The following CPT1A variants were observed in gnomAD, a reference collection of about 807,000 sequenced individuals.
CPT1A encodes the protein carnitine palmitoyltransferase 1A.
In CPT1A, 64 loss-of-function variants were observed where a neutral mutation model predicts 100.8. The observed-to-expected ratio is 0.63, with a 90% CI of 0.52 to 0.78. CPT1A has a LOEUF of 0.78. Among genes scored for constraint, CPT1A ranks in the 30% least tolerant of loss-of-function variants. CPT1A has a pLI of 0.00. For synonymous variants in CPT1A, 363 were observed against 396.0 expected, an observed-to-expected ratio of 0.92 and a Z score of 0.99; for missense variants, 802 against 1,034.1, an observed-to-expected ratio of 0.78 and a Z score of 3.08.
At position 68,815,281 on chromosome 11, in the gene CPT1A, G is replaced by A. The variant is rs17848445; in HGVS notation, c.141+53C>T. ...AGACCTCAATAGCAGCCAGAGCCCC[G>A]TTCTTAGATATTAAAAGGCATACTG... On this transcript the variant is annotated intron_variant, in intron 2 of 18. Transcript: ENST00000265641. 62 of 1,583,944 alleles carry A rather than the reference G, an allele frequency of 3.9e-5. No individual in the cohort carries two copies. In the East Asian group the frequency reaches 1.1e-3, roughly 28 times the overall value.
Position 68,759,582 on chromosome 11 carries a change from G to A in CPT1A, c.2222C>T (p.Ser741Phe). The stretch of plus-strand genomic sequence containing the variant: ...TTTCATACATACCGTCTCAGGGCAA[G>A]AGAACTTGGAAGAAATGTGGAAATT... ...LINFHISSKF[S>F]CPETDSHRFG... Residue 741 changes from serine (S) to phenylalanine (F), a missense_variant, in exon 18 of 19, where the codon TCT becomes TTT. Physicochemically the swap from Ser to Phe is radical, Grantham distance 155. Coordinates refer to ENST00000265641, the MANE Select transcript of CPT1A (RefSeq NM_001876.4). The A allele has an allele frequency of 1.2e-6, 2 of 1,611,810 alleles. No homozygotes were observed. Among genetic ancestry groups the A allele is most frequent in the East Asian group, 2.2e-5 (1 of 44,860 alleles).
intron 6 of CPT1A, among the ~76,000 whole-genome samples, chr11:68,798,793 G>A (rs796264841): frequency 9.2e-5 from 14 of 152,298 alleles, no homozygotes; most frequent in African/African-American, 3.1e-4. Flanking sequence ...AGGACTCTCC[G>A]GGGAAGAGGG....
rs1210649322 is a variant in CPT1A, at chr11:68,788,373, C to T, written c.968-3363G>A. Among the ~76,000 whole-genome samples, 6 of 151,822 alleles carry T rather than the reference C, an allele frequency of 4.0e-5. No individual in the cohort carries two copies. In the South Asian group the frequency reaches 8.3e-4, roughly 21 times the overall value. Reference sequence around the variant, plus strand: ...CAGCACTTTGGGAGGCCGAGGCGGGCGGATCACTTGAGGCCAAGAGTTTGA... The same window carrying T: ...CAGCACTTTGGGAGGCCGAGGCGGGTGGATCACTTGAGGCCAAGAGTTTGA... On this transcript the variant is annotated intron_variant, in intron 9 of 18. Transcript: ENST00000265641.
At chr11:68,793,611 T>C (rs531636758) in intron 8 of CPT1A, among the ~76,000 whole-genome samples, 1 of 151,712 alleles carries the variant, frequency 6.6e-6, no homozygotes, top group African/African-American at 2.4e-5. Context: ...CCGGGCATGG[T>C]GTCGGGTGCC....
intron 1 of CPT1A, among the ~76,000 whole-genome samples, chr11:68,822,267 C>A (rs778993817): frequency 2.6e-5 from 4 of 152,032 alleles, no homozygotes; most frequent in African/African-American, 4.8e-5. Flanking sequence ...TGCAGTGGCT[C>A]ACCCCTGTAA....
chr11:68,811,463 C>T (rs1856204322), intron 3 of CPT1A, among the ~76,000 whole-genome samples: 1 of 152,112 alleles, frequency 6.6e-6, no homozygotes, highest in Non-Finnish European at 1.5e-5. Flanking sequence ...GCTGAGTTGC[C>T]CTGCGTTCCA....
chr11:68,762,599 T>C, intron 15 of CPT1A, 28 bp downstream of exon 15: 7 of 1,612,420 alleles, frequency 4.3e-6, no homozygotes, highest in Non-Finnish European at 5.9e-6. Context: ...GACAAGCACG[T>C]TGTGTCCTCA....
Position 68,841,855 on chromosome 11 carries a change from G to A in CPT1A, c.-94C>T. The A allele has an allele frequency of 2.0e-6, 2 of 994,234 alleles. No individual in the cohort carries two copies. Among genetic ancestry groups the A allele is most frequent in the Non-Finnish European group, 2.4e-6 (2 of 837,810 alleles). 61.6% of individuals were successfully genotyped at this position (994,234 alleles called of 1,614,324 possible). ...CGGTGGAGTGAACGAGCGGCGAGCGGGAGCCGGGGAAGGAGGGCCGCGGGC... is the reference window on the plus strand; with the variant it reads ...CGGTGGAGTGAACGAGCGGCGAGCGAGAGCCGGGGAAGGAGGGCCGCGGGC... On this transcript the variant is annotated 5_prime_UTR_variant, in exon 1 of 19. Coordinates refer to ENST00000265641, the MANE Select transcript of CPT1A (RefSeq NM_001876.4). This position sits in a 1 kb window ranked among gnomAD's most constrained non-coding sequence, Gnocchi z 6.3.
Position 68,819,705 on chromosome 11 carries a change from G to A in CPT1A, c.-13-4218C>T, listed in dbSNP as rs975028071. ...TAGGAGTGAAACGCCCTCGCAGAGC[G>A]ATCTGAGTTTAATGAAGGACTTGTT... is the stretch of plus-strand genomic sequence containing the variant. On this transcript the variant is annotated intron_variant, in intron 1 of 18. Transcript: ENST00000265641. Among the ~76,000 whole-genome samples, 3 of 152,348 alleles carry A rather than the reference G, an allele frequency of 2.0e-5. 1 individual carries two copies. Among genetic ancestry groups the A allele is most frequent in the South Asian group, 4.1e-4 (2 of 4,830 alleles).
chr11:68,832,761 T>C (rs1291688948), intron 1 of CPT1A, among the ~76,000 whole-genome samples: 1 of 152,228 alleles, frequency 6.6e-6, no homozygotes, highest in African/African-American at 2.4e-5. Flanking sequence ...TATTCAAACC[T>C]AGCTAACAGC....
chr11:68,839,467 C>G lies in CPT1A; in HGVS notation c.-14+2308G>C, dbSNP rs938623459. On this transcript the variant is annotated intron_variant, in intron 1 of 18. Coordinates refer to ENST00000265641, the MANE Select transcript of CPT1A (RefSeq NM_001876.4). ...CCCAGGCGCTCGGATCCTGTTCCAC[C>G]CGCCGTGCCCACAGAGACCTTCCGG... 4.1e-6 allele frequency: 4 copies of G among 974,402 alleles called. No individual in the cohort carries two copies. In the African/African-American group the frequency reaches 7.0e-5, roughly 17 times the overall value. 60.4% of individuals were successfully genotyped at this position (974,402 alleles called of 1,614,324 possible).
intron 3 of CPT1A, among the ~76,000 whole-genome samples, chr11:68,809,657 G>A (rs533666358): frequency 8.1e-4 from 124 of 152,292 alleles, no homozygotes; most frequent in Non-Finnish European, 1.5e-3. Context: ...GCAGCCCAGA[G>A]ATACTGCAGA....
intron 3 of CPT1A, 24 bp downstream of exon 3, chr11:68,812,413 T>A: frequency 6.2e-7 from 1 of 1,613,796 alleles, no homozygotes; most frequent in Admixed American, 1.7e-5. Context: ...CCCAGACAAT[T>A]GGAGATTTCA....
intron 7 of CPT1A, among the ~76,000 whole-genome samples, chr11:68,795,835 A>G (rs1157474425): frequency 6.6e-6 from 1 of 151,890 alleles, no homozygotes; most frequent in African/African-American, 2.4e-5. Context: ...GCTGGAACCC[A>G]GGAGGCAGAG....
chr11:68,804,169 T>G (rs1359698256), intron 4 of CPT1A, 68 bp from the exon 5 acceptor site: 1 of 1,242,064 alleles, frequency 8.1e-7, no homozygotes, highest in Non-Finnish European at 1.2e-6. Flanking sequence ...TCTCGTCTGA[T>G]CTCGTGAAGC....
At chr11:68,828,683 C>T (rs1298331696) in intron 1 of CPT1A, among the ~76,000 whole-genome samples, 3 of 152,254 alleles carry the variant, frequency 2.0e-5, no homozygotes, top group African/African-American at 7.2e-5. Context: ...CCCCTTCAGC[C>T]TTCCTGAGGC....
chr11:68,793,476 T>C, intron 8 of CPT1A, 74 bp from the exon 9 acceptor site: 4 of 1,218,524 alleles, frequency 3.3e-6, no homozygotes, highest in Non-Finnish European at 4.7e-6. Flanking sequence ...CCGGGTGCGG[T>C]GGCTCACGCC....
intron 8 of CPT1A, 27 bp from the exon 9 acceptor site, chr11:68,793,429 A>G (rs1365304700): frequency 1.3e-6 from 2 of 1,564,266 alleles, no homozygotes; most frequent in Middle Eastern, 1.8e-4. Context: ...TTTCAAACCA[A>G]CAACGAAAAT....
At chr11:68,836,761 G>C (rs1400829628) in intron 1 of CPT1A, among the ~76,000 whole-genome samples, 2 of 151,108 alleles carry the variant, frequency 1.3e-5, no homozygotes, top group Non-Finnish European at 2.9e-5. Context: ...AACAGAGTGA[G>C]ATTTCCTCAA....
Sources: allele counts gnomAD v4.1 joint callset (sites outside exome capture counted in the v4.1 genomes callset), GRCh38; gene constraint gnomAD v4.1.1; non-coding constraint Gnocchi (gnomAD v3.1); transcripts MANE v1.5; gene names NCBI Gene and HGNC (gene_info 2026-07-23, HGNC 2026-07-21).